The following COL26A1 variants were observed in gnomAD, a reference collection of about 807,000 sequenced individuals.
COL26A1 encodes collagen alpha-1(XXVI) chain.
Under a neutral mutation model 59.3 loss-of-function variants are expected in COL26A1, and 41 were observed. The ratio of observed to expected loss-of-function variants is 0.69; its 90% CI spans 0.54 to 0.90. The LOEUF (loss-of-function observed/expected upper bound fraction) is 0.90, where lower values mean the gene tolerates loss of function less well. COL26A1 is among the 40% of genes least tolerant of loss of function. COL26A1 has a pLI of 0.00. For synonymous variants in COL26A1, 266 were observed against 256.0 expected, an observed-to-expected ratio of 1.04 and a Z score of -0.37; for missense variants, 612 against 602.3, an observed-to-expected ratio of 1.02 and a Z score of -0.17.
chr7:101,492,557 TGTG>T lies in COL26A1; in HGVS notation c.386-40517_386-40515del, dbSNP rs561680701. Among the ~76,000 whole-genome samples the T allele has an allele frequency of 6.2e-4, 94 of 151,094 alleles. 2 individuals carry two copies. In the South Asian group the frequency reaches 0.02, roughly 32 times the overall value. On this transcript the variant is annotated intron_variant, in intron 3 of 12. Coordinates refer to ENST00000313669, the MANE Select transcript of COL26A1 (RefSeq NM_001278563.3). ...ACTAAAAATACAAAAATTAGCTGGG[TGTG>T]GTGGTGGGCGCCTGTAATCTCAGCT...
chr7:101,489,296 T>C (rs1315038208), intron 3 of COL26A1, among the ~76,000 whole-genome samples: 1 of 152,160 alleles, frequency 6.6e-6, no homozygotes, highest in Non-Finnish European at 1.5e-5. Context: ...AGTTAGAATA[T>C]GTGGAGTCCA....
chr7:101,377,221 C>T (rs1439484907), intron 1 of COL26A1, among the ~76,000 whole-genome samples: 1 of 151,964 alleles, frequency 6.6e-6, no homozygotes, highest in Admixed American at 6.6e-5. Context: ...TTGTCCAGGT[C>T]AGTCTCAACC....
At chr7:101,367,512 A>G (rs1584343524) in intron 1 of COL26A1, among the ~76,000 whole-genome samples, 1 of 140,490 alleles carries the variant, frequency 7.1e-6, no homozygotes, top group East Asian at 2.1e-4. Context: ...TAAAAATACA[A>G]AAATTAGCCG....
intron 4 of COL26A1, among the ~76,000 whole-genome samples, chr7:101,539,021 CG>C (rs1290550974): frequency 1.3e-5 from 2 of 152,218 alleles, no homozygotes; most frequent in East Asian, 3.9e-4. Flanking sequence ...CAGAGACTCA[CG>C]GGGCCTCTGA....
intron 3 of COL26A1, among the ~76,000 whole-genome samples, chr7:101,472,295 T>A (rs7804118): frequency 2.0e-5 from 3 of 152,018 alleles, no homozygotes; most frequent in African/African-American, 7.3e-5. Flanking sequence ...TGTGAGCCGC[T>A]GTGCTCAGCC....
At chr7:101,422,376 A>G (rs1270153185) in intron 2 of COL26A1, among the ~76,000 whole-genome samples, 3 of 15,440 alleles carry the variant, frequency 1.9e-4, no homozygotes, top group Admixed American at 7.5e-4. Context: ...CAAAATGAAA[A>G]AAAAAAAAAA....
chr7:101,546,867 T>C (rs575475551), intron 7 of COL26A1, among the ~76,000 whole-genome samples: 2,473 of 130,168 alleles, frequency 0.019, 26 homozygotes, highest in Non-Finnish European at 0.03. Flanking sequence ...GCCTGGGGCA[T>C]TGGAGAAGTG....
rs999427347 is a variant in COL26A1 at position 101,550,410 on chromosome 7, C to T, written c.994-698C>T. ...CAGGAGTTGGAGGCTGCAGTGAGCT[C>T]TCATGGCACCACTGCCCTCCAGCCT... On this transcript the variant is annotated intron_variant, in intron 9 of 12. Coordinates refer to ENST00000313669, the MANE Select transcript of COL26A1 (RefSeq NM_001278563.3). Among the ~76,000 whole-genome samples the T allele has an allele frequency of 5.0e-5, 7 of 141,132 alleles. No individual in the cohort carries two copies. The East Asian group carries it at 1.4e-3, about 28-fold the overall frequency. 92.6% of individuals were successfully genotyped at this position (141,132 alleles called of 152,430 possible).
chr7:101,539,917 C>T lies in COL26A1; in HGVS notation c.472C>T (p.Arg158Trp), dbSNP rs190166648. 3.8e-4 allele frequency: 613 copies of T among 1,612,812 alleles called. 2 individuals carry two copies. The highest frequency in any genetic ancestry group is 2.3e-3 in the African/African-American group (173 of 74,996). ...GGTCCTCCTGCTAGAAGCAGCAGAA[C>T]GGCCCTCCAGCCCGGACAACGACCT... ...AKVLLLEAAE[R>W]PSSPDNDLPA... The change falls in exon 5 of 13, where the codon CGG becomes TGG. Residue 158 changes from arginine (R) to tryptophan (W), a missense_variant. Coordinates refer to ENST00000313669, the MANE Select transcript of COL26A1 (RefSeq NM_001278563.3).
At position 101,551,237 on chromosome 7, in the gene COL26A1, GTT is replaced by G; in HGVS notation, c.1029+95_1029+96del. The G allele has an allele frequency of 3.4e-5, 13 of 386,324 alleles. No individual in the cohort carries two copies. The East Asian group carries it at 3.5e-4, about 10-fold the overall frequency. 23.9% of individuals were successfully genotyped at this position (386,324 alleles called of 1,614,324 possible). ...CTGGGTGGCGGGGGTTGGTGGGGGG[GTT>G]CAGCCCTGGGTGGCCCTGCTGGAGC... On this transcript the variant is annotated intron_variant, in intron 10 of 12. Coordinates refer to ENST00000313669, the MANE Select transcript of COL26A1 (RefSeq NM_001278563.3).
At chr7:101,536,674 A>T (rs1332733745) in intron 4 of COL26A1, among the ~76,000 whole-genome samples, 2 of 152,202 alleles carry the variant, frequency 1.3e-5, no homozygotes, top group African/African-American at 2.4e-5. Flanking sequence ...CTGCTTTGGT[A>T]TGTCGGGAAG....
intron 3 of COL26A1, among the ~76,000 whole-genome samples, chr7:101,480,470 T>A (rs565360435): frequency 6.6e-6 from 1 of 152,202 alleles, no homozygotes; most frequent in Non-Finnish European, 1.5e-5. Context: ...TTGCTGGGGC[T>A]TTAATCTTTC....
intron 3 of COL26A1, among the ~76,000 whole-genome samples, chr7:101,512,921 C>T (rs1794956209): frequency 6.6e-6 from 1 of 152,120 alleles, no homozygotes; most frequent in Non-Finnish European, 1.5e-5. Flanking sequence ...CTTCTTGGCA[C>T]ATAGATCCTG....
At chr7:101,375,068 A>AAAT (rs1554402390) in intron 1 of COL26A1, among the ~76,000 whole-genome samples, 1 of 150,292 alleles carries the variant, frequency 6.7e-6, no homozygotes, top group African/African-American at 2.5e-5. Flanking sequence ...TTAAAAAAAA[A>AAAT]TTTTTTTTAA....
intron 5 of COL26A1, among the ~76,000 whole-genome samples, chr7:101,543,047 G>GC (rs1386939198): frequency 2.0e-5 from 3 of 152,162 alleles, no homozygotes; most frequent in Non-Finnish European, 4.4e-5. Context: ...GGATTCCAGA[G>GC]CGCAGGTGGG....
chr7:101,538,295 C>T (rs540671106), intron 4 of COL26A1, among the ~76,000 whole-genome samples: 6 of 152,318 alleles, frequency 3.9e-5, no homozygotes, highest in African/African-American at 1.4e-4. Flanking sequence ...CCTTCACTGC[C>T]GTGTGATCTG....
intron 1 of COL26A1, among the ~76,000 whole-genome samples, chr7:101,380,451 C>T (rs10238353): frequency 0.061 from 9,288 of 152,030 alleles, 654 homozygotes; most frequent in African/African-American, 0.16. Flanking sequence ...CGCACTACCA[C>T]GCCTGGCTAA....
chr7:101,390,581 A>G (rs1181494672), intron 1 of COL26A1, among the ~76,000 whole-genome samples: 1 of 151,998 alleles, frequency 6.6e-6, no homozygotes, highest in African/African-American at 2.4e-5. Flanking sequence ...ATGCACTACC[A>G]TGCCTGGCTA....
chr7:101,451,433 C>A (rs1161958613), intron 3 of COL26A1, among the ~76,000 whole-genome samples: 3 of 146,760 alleles, frequency 2.0e-5, no homozygotes, highest in East Asian at 3.9e-4. Flanking sequence ...ATTTAAGTAT[C>A]CCTAGTCCAA....
Sources: gnomAD v4.1 joint callset for allele counts (sites outside exome capture counted in the v4.1 genomes callset) on GRCh38, gnomAD v4.1.1 for gene constraint, MANE v1.5 for transcripts, NCBI Gene and HGNC (gene_info 2026-07-23, HGNC 2026-07-21) for gene names.